The following NOC3L variants were observed in gnomAD, a reference collection of about 807,000 sequenced individuals.
NOC3L encodes NOC3 like DNA replication regulator.
NOC3L carries 85 observed loss-of-function variants against 102.5 expected under a neutral mutation model. The observed-to-expected ratio is 0.83, with a 90% CI of 0.70 to 0.99. The LOEUF is 0.99. Among genes scored for constraint, NOC3L ranks in the 50% least tolerant of loss-of-function variants. The pLI is 0.00. For synonymous variants in NOC3L, 303 were observed against 309.4 expected, an observed-to-expected ratio of 0.98 and a Z score of 0.22; for missense variants, 878 against 914.9, an observed-to-expected ratio of 0.96 and a Z score of 0.52.
the NOC3L span, among the ~76,000 whole-genome samples, chr10:94,317,806 A>T: frequency 1.4e-4 from 22 of 152,198 alleles, no homozygotes; most frequent in Non-Finnish European, 2.9e-4. Flanking sequence ...TTTCTCTAGC[A>T]TAGACAGTCA....
At chr10:94,337,669 C>G in intron 19 of NOC3L, 108 bp downstream of exon 19, 2 of 661,296 alleles carry the variant, frequency 3.0e-6, no homozygotes, top group Non-Finnish European at 5.2e-6. Flanking sequence ...AGATACCCAA[C>G]TGGCACTTTA....
intron 2 of NOC3L, 96 bp downstream of exon 2, chr10:94,361,566 GAAC>G (rs2054551256): frequency 2.6e-6 from 3 of 1,138,356 alleles, no homozygotes; most frequent in South Asian, 2.7e-5. Flanking sequence ...GAAGATCTGA[GAAC>G]AAGAAAAGCG....
intron 10 of NOC3L, among the ~76,000 whole-genome samples, chr10:94,347,383 G>T (rs1390991590): frequency 6.6e-6 from 1 of 152,154 alleles, no homozygotes; most frequent in Non-Finnish European, 1.5e-5. Flanking sequence ...TACTGTATGT[G>T]CTCAAAATAT....
At chr10:94,342,543 T>G (rs2054297466) in intron 13 of NOC3L, among the ~76,000 whole-genome samples, 1 of 116,822 alleles carries the variant, frequency 8.6e-6, no homozygotes, top group Non-Finnish European at 1.7e-5. Flanking sequence ...TGCACACACA[T>G]GCATGAAGAT....
At position 94,334,656 on chromosome 10, in the gene NOC3L, T is replaced by C. The variant is rs57550068; in HGVS notation, c.2252A>G (p.Glu751Gly). Residue 751 changes from glutamate to glycine, a missense_variant, in exon 20 of 21, where the codon GAA becomes GGA. Physicochemically the swap from Glu to Gly is moderately conservative, Grantham distance 98. Coordinates refer to ENST00000371361, the MANE Select transcript of NOC3L (RefSeq NM_022451.11). ...TACCTTTATTTTGGGGTTTGAAGAT[T>C]CAACAGGAGGATTGAATGTCATTTC... ...MAEMTFNPPV[E>G]SSNPKIKGKF... 1.6e-3 allele frequency: 2,638 copies of C among 1,612,910 alleles called. 58 individuals are homozygous for C. The African/African-American group carries it at 0.031, about 19-fold the overall frequency.
intron 12 of NOC3L, 122 bp from the exon 13 acceptor site, chr10:94,344,637 C>G (rs1233415812): frequency 5.6e-6 from 4 of 716,734 alleles, no homozygotes; most frequent in Non-Finnish European, 9.3e-6. Context: ...ACAATGCAAT[C>G]TTTGAAATTT....
chr10:94,354,314 C>T (rs1589575835), intron 6 of NOC3L, among the ~76,000 whole-genome samples: 2 of 152,134 alleles, frequency 1.3e-5, no homozygotes, highest in African/African-American at 2.4e-5. Context: ...TATGACTTCA[C>T]GTATATTTCA....
intron 8 of NOC3L, 74 bp downstream of exon 8, chr10:94,352,236 A>G: frequency 9.6e-7 from 1 of 1,037,336 alleles, no homozygotes; most frequent in Non-Finnish European, 1.5e-6. Flanking sequence ...TACACAACAC[A>G]GAACACTGTA....
chr10:94,361,092 G>C (rs2054547126), intron 2 of NOC3L, among the ~76,000 whole-genome samples: 2 of 152,158 alleles, frequency 1.3e-5, no homozygotes, highest in South Asian at 4.1e-4. Context: ...AGTCAAATAA[G>C]AATACCCTAA....
chr10:94,352,003 T>C (rs572123933), intron 8 of NOC3L, among the ~76,000 whole-genome samples: 14 of 152,348 alleles, frequency 9.2e-5, no homozygotes, highest in Admixed American at 7.8e-4. Context: ...GTATAGTACA[T>C]GCTAGGCACT....
At chr10:94,337,257 A>C (rs569539605) in intron 19 of NOC3L, among the ~76,000 whole-genome samples, 1 of 152,166 alleles carries the variant, frequency 6.6e-6, no homozygotes, top group Non-Finnish European at 1.5e-5. Context: ...GGGCCAAAAA[A>C]AGAAAAAGCT....
chr10:94,330,442 G>A (rs61886344), downstream of NOC3L: 5,610 of 152,324 alleles, frequency 0.037, 152 homozygotes, highest in Non-Finnish European at 0.058. Flanking sequence ...CACTCTGGGA[G>A]GCTGAGGTGG....
intron 2 of NOC3L, 79 bp downstream of exon 2, chr10:94,361,586 A>G (rs2054551454): frequency 7.0e-7 from 1 of 1,421,338 alleles, no homozygotes; most frequent in Admixed American, 1.8e-5. Flanking sequence ...AGCGATTACT[A>G]GAAAGCAAAG....
Position 94,341,684 on chromosome 10 carries a change from TGA to T in NOC3L, c.1631_1632del (p.Leu544HisfsTer2). 1 of 1,516,290 alleles carries T rather than the reference TGA, an allele frequency of 6.6e-7. No individual in the cohort carries two copies. The highest frequency in any genetic ancestry group is 9.0e-7 in the Non-Finnish European group (1 of 1,117,102). 93.9% of individuals were successfully genotyped at this position (1,516,290 alleles called of 1,614,324 possible). A position where few individuals can be genotyped will look rare whatever the true frequency, so the allele number is the denominator to read the frequency against. ...TTATTATTACTTACACCAGACTCAA[TGA>T]GAGTATGAAGAACTACTAACAGATC... ...FDDLLVVLHT[L>X]IESGDLSYQE... is the part of the protein sequence containing the mutation. On this transcript the variant is annotated frameshift_variant, in exon 14 of 21. Transcript: ENST00000371361. LOFTEE classifies it high-confidence loss of function.
At chr10:94,342,553 T>TACACAC (rs3052367) in intron 13 of NOC3L, among the ~76,000 whole-genome samples, 1,634 of 148,176 alleles carry the variant, frequency 0.011, 25 homozygotes, top group African/African-American at 0.035. Flanking sequence ...TGCATGAAGA[T>TACACAC]ACACACACAC....
Position 94,349,339 on chromosome 10 carries a change from T to C in NOC3L, c.1168A>G (p.Lys390Glu). The C allele has an allele frequency of 1.3e-6, 2 of 1,582,942 alleles. No homozygotes were observed. Among genetic ancestry groups the C allele is most frequent in the African/African-American group, 2.8e-5 (2 of 72,636 alleles). ...GAAGCTTGGCCTAATTTATCTTGCT[T>C]AAAGAGTTTCTTCACAGCTTCACAA... is the stretch of plus-strand genomic sequence containing the variant. ...MCCEAVKKLF[K>E]QDKLGQASLG... is the part of the protein sequence containing the mutation. The change falls in exon 10 of 21, where the codon AAG becomes GAG. Residue 390 changes from lysine to glutamate, a missense_variant. Physicochemically the swap from Lys to Glu is moderately conservative, Grantham distance 56. Transcript: ENST00000371361.
the NOC3L span, chr10:94,315,332 T>G: frequency 4.9e-5 from 22 of 445,150 alleles, no homozygotes; most frequent in South Asian, 1.1e-4. Flanking sequence ...AGGAGAAGGG[T>G]GTTTGCTTAA....
intron 18 of NOC3L, 87 bp downstream of exon 18, chr10:94,338,521 T>C: frequency 2.2e-6 from 3 of 1,368,222 alleles, no homozygotes; most frequent in South Asian, 4.2e-5. Flanking sequence ...AATTAAGTAC[T>C]CTGGCAATAA....
chr10:94,359,497 G>GTA (rs1234002438), intron 2 of NOC3L, among the ~76,000 whole-genome samples: 1 of 151,120 alleles, frequency 6.6e-6, no homozygotes, highest in Non-Finnish European at 1.5e-5. Flanking sequence ...CTATATAAAT[G>GTA]TACACACTGC....
Sources: allele counts gnomAD v4.1 joint callset (sites outside exome capture counted in the v4.1 genomes callset), GRCh38; gene constraint gnomAD v4.1.1; transcripts MANE v1.5; gene names NCBI Gene and HGNC (gene_info 2026-07-23, HGNC 2026-07-21).